The following PRDM1 variants were observed in gnomAD, a reference collection of about 807,000 sequenced individuals.
PRDM1 encodes the protein PR domain zinc finger protein 1.
Under a neutral mutation model 62.8 loss-of-function variants are expected in PRDM1, and 13 were observed. The observed-to-expected ratio is 0.21, with a 90% CI of 0.13 to 0.33. PRDM1 has a LOEUF of 0.33. PRDM1 is among the 10% of genes least tolerant of loss of function. The pLI is 1.00. For missense variants in PRDM1, 895 were observed against 1,058.8 expected (o/e 0.85, Z 2.15); for synonymous variants, 396 against 417.6 (o/e 0.95, Z 0.63).
At chr6:106,073,376 A>G (rs1773552279) in intron 1 of PRDM1, among the ~76,000 whole-genome samples, 1 of 152,142 alleles carries the variant, frequency 6.6e-6, no homozygotes, top group African/African-American at 2.4e-5. Context: ...TGGCCTCCCA[A>G]AGTGCTGGGA....
chr6:105,993,819 T>TAATA (rs75159762), intron 1 of PRDM1, among the ~76,000 whole-genome samples: 12,393 of 152,130 alleles, frequency 0.081, 894 homozygotes, highest in African/African-American at 0.19. Flanking sequence ...CCGGCAGTGT[T>TAATA]GATAGCTCTC....
chr6:105,997,779 G>A (rs1468274559), intron 1 of PRDM1, among the ~76,000 whole-genome samples: 1 of 152,204 alleles, frequency 6.6e-6, no homozygotes, highest in Non-Finnish European at 1.5e-5. Context: ...GAAAATGCTG[G>A]AAAACAAAAG....
chr6:106,023,973 C>A (rs1772731977), intron 1 of PRDM1, among the ~76,000 whole-genome samples: 1 of 152,098 alleles, frequency 6.6e-6, no homozygotes, highest in African/African-American at 2.4e-5. Context: ...GAGACCACAT[C>A]TCTACAAAAA....
At position 106,062,318 on chromosome 6, in the gene PRDM1, A is replaced by G. The variant is rs11965728; in HGVS notation, c.-67+13604A>G. On this transcript the variant is annotated intron_variant, in intron 1 of 6. Transcript: ENST00000651185. ...GGTAATTTTCTATTTGTCCTTTGGA[A>G]AAGTGAAATTTTAATTTTTCTTCTC... 4.1e-3 allele frequency among the ~76,000 whole-genome samples: 617 copies of G among 152,336 alleles called. 3 individuals are homozygous for G. The highest frequency in any genetic ancestry group is 0.014 in the African/African-American group (595 of 41,582).
chr6:106,079,974 G>T (rs925963839), intron 1 of PRDM1, among the ~76,000 whole-genome samples: 6 of 152,216 alleles, frequency 3.9e-5, no homozygotes, highest in African/African-American at 1.4e-4. Flanking sequence ...ACACCCAGGG[G>T]CCAAGATTGA....
chr6:106,014,190 G>T (rs1287701859), intron 1 of PRDM1, among the ~76,000 whole-genome samples: 2 of 149,636 alleles, frequency 1.3e-5, no homozygotes, highest in African/African-American at 4.9e-5. Flanking sequence ...CTCCTGAATA[G>T]CTGGGACCAC....
chr6:106,089,302 G>A (rs757640248), intron 2 of PRDM1, among the ~76,000 whole-genome samples: 2 of 152,182 alleles, frequency 1.3e-5, no homozygotes, highest in Non-Finnish European at 2.9e-5. Context: ...CCCCTCAGCA[G>A]ACTTCCCATA....
intron 1 of PRDM1, among the ~76,000 whole-genome samples, chr6:106,069,774 C>T (rs1773482757): frequency 2.0e-5 from 3 of 152,218 alleles, no homozygotes; most frequent in Non-Finnish European, 4.4e-5. Flanking sequence ...GTGTGCTCCA[C>T]TGTAAACTGG....
At position 106,087,439 on chromosome 6, in the gene PRDM1, C is replaced by A. The variant is rs1202022154; in HGVS notation, c.43-762C>A. On this transcript the variant is annotated intron_variant, in intron 1 of 6. Transcript: ENST00000369096. ...TAAACGGTTTTATGTTTTGTTTTTG[C>A]CTTTTCAATTTGGTATGAGATGCTT... 1.3e-5 allele frequency: 3 copies of A among 231,390 alleles called. No homozygotes were observed. In the East Asian group the frequency reaches 1.8e-4, roughly 14 times the overall value. The allele number at this position is 231,390 out of a possible 1,614,324, so 14.3% of individuals were successfully genotyped here. A position where few individuals can be genotyped will look rare whatever the true frequency, so the allele number is the denominator to read the frequency against.
intron 1 of PRDM1, among the ~76,000 whole-genome samples, chr6:106,051,575 C>T (rs1346053955): frequency 6.6e-6 from 1 of 152,114 alleles, no homozygotes; most frequent in Non-Finnish European, 1.5e-5. Context: ...TTAACTGACC[C>T]GTTGTCTGAG....
At chr6:105,999,780 C>T (rs897514003) in intron 1 of PRDM1, among the ~76,000 whole-genome samples, 16 of 152,160 alleles carry the variant, frequency 1.1e-4, no homozygotes, top group African/African-American at 3.6e-4. Context: ...GCAAAAATAT[C>T]CAACTTAAAT....
At chr6:106,038,799 C>T (rs1178446176) in intron 1 of PRDM1, among the ~76,000 whole-genome samples, 1 of 152,158 alleles carries the variant, frequency 6.6e-6, no homozygotes, top group African/African-American at 2.4e-5. Flanking sequence ...CTGAAATTGA[C>T]CAAAATTAAC....
In PRDM1 at chr6:106,109,135, T is replaced by C. The variant is rs1466504759; in HGVS notation, c.*1649T>C. 4.5e-6 allele frequency: 1 copy of C among 220,934 alleles called. No individual in the cohort carries two copies. The highest frequency in any genetic ancestry group is 9.1e-6 in the Non-Finnish European group (1 of 110,386). The allele number at this position is 220,934 out of a possible 1,614,324, so 13.7% of individuals were successfully genotyped here. ...AAAAGAACACTCCTTTCTGAGACTT[T>C]GCTTAATACTTGGTGACCTCACAAT... On this transcript the variant is annotated 3_prime_UTR_variant, in exon 7 of 7. Transcript: ENST00000369096.
Position 106,107,718 on chromosome 6 carries a change from T to C in PRDM1, c.*232T>C. 4.6e-6 allele frequency: 1 copy of C among 218,692 alleles called. No homozygotes were observed. The highest frequency in any genetic ancestry group is 8.9e-6 in the Non-Finnish European group (1 of 112,184). 13.5% of individuals were successfully genotyped at this position (218,692 alleles called of 1,614,324 possible). A position where few individuals can be genotyped will look rare whatever the true frequency, so the allele number is the denominator to read the frequency against. Reference sequence around the variant, plus strand: ...TATATATCTGTATACATATTATATATACTTATTTACACCTGTGTCTATATA... The same window carrying C: ...TATATATCTGTATACATATTATATACACTTATTTACACCTGTGTCTATATA... On this transcript the variant is annotated 3_prime_UTR_variant, in exon 7 of 7. Transcript: ENST00000369096.
At chr6:106,098,616 G>A (rs1043875654) in intron 3 of PRDM1, 1 of 1,320,144 alleles carries the variant, frequency 7.6e-7, no homozygotes, top group Non-Finnish European at 1.0e-6. Flanking sequence ...AAGAGGAAAA[G>A]TGACTTCTCA....
intron 1 of PRDM1, among the ~76,000 whole-genome samples, chr6:106,063,462 CAGGAATT>C (rs1773379545): frequency 1.3e-5 from 2 of 152,126 alleles, no homozygotes; most frequent in Admixed American, 1.3e-4. Flanking sequence ...TTCAGGTATT[CAGGAATT>C]AGGTGTGACT....
chr6:106,028,946 G>A (rs1180106397), intron 1 of PRDM1, among the ~76,000 whole-genome samples: 2 of 121,866 alleles, frequency 1.6e-5, no homozygotes, highest in African/African-American at 3.2e-5. Flanking sequence ...TTTTGAGACC[G>A]AGTCTTGCTC....
rs1456334471 is a variant in PRDM1 at position 106,109,699 on chromosome 6, C to A, written c.*2213C>A. On this transcript the variant is annotated 3_prime_UTR_variant, in exon 7 of 7. Transcript: ENST00000369096. ...CCCATAGTGAGAATTTTTATAAAGA[C>A]TTCTTGCTTCTCTCACCATCCATCC... The A allele has an allele frequency of 8.6e-6, 2 of 233,140 alleles. No homozygotes were observed. The highest frequency in any genetic ancestry group is 2.2e-5 in the African/African-American group (1 of 45,264). 14.4% of individuals were successfully genotyped at this position (233,140 alleles called of 1,614,324 possible). A position where few individuals can be genotyped will look rare whatever the true frequency, so the allele number is the denominator to read the frequency against.
chr6:106,057,316 A>G (rs1773281813), intron 1 of PRDM1, among the ~76,000 whole-genome samples: 1 of 152,236 alleles, frequency 6.6e-6, no homozygotes, highest in African/African-American at 2.4e-5. Context: ...AGTGGTTTAG[A>G]GAAAAGCATA....
Sources: allele counts gnomAD v4.1 joint callset (sites outside exome capture counted in the v4.1 genomes callset), GRCh38; gene constraint gnomAD v4.1.1; transcripts MANE v1.5; gene names NCBI Gene and HGNC (gene_info 2026-07-23, HGNC 2026-07-21).